PUDP: variants seen among roughly 807,000 people sequenced by gnomAD.
PUDP encodes pseudouridine-5'-phosphatase.
In PUDP, 8 loss-of-function variants were observed where a neutral mutation model predicts 9.4. That is an observed-to-expected ratio of 0.85 (90% CI 0.50 to 1.53). PUDP has a LOEUF of 1.53. Among genes scored for constraint, PUDP ranks in the 40% most tolerant of loss-of-function variants. The pLI is 0.00. For synonymous variants in PUDP, 99 were observed against 80.7 expected (o/e 1.23, Z -1.22); for missense variants, 188 against 189.7 (o/e 0.99, Z 0.05).
intron 3 of PUDP, among the ~76,000 whole-genome samples, chrX:6,858,443 C>T (rs951626093): frequency 9.2e-6 from 1 of 108,156 alleles, no homozygotes; most frequent in Non-Finnish European, 1.9e-5. Context: ...CATCCTCCCA[C>T]CTCAGCCTCT....
At chrX:6,932,995 G>C (rs1227029066) in intron 3 of PUDP, among the ~76,000 whole-genome samples, 1 of 110,378 alleles carries the variant, frequency 9.1e-6, no homozygotes, top group African/African-American at 3.3e-5. Flanking sequence ...GCCCACCACA[G>C]CTCAAGGAGG....
At position 7,105,767 on chromosome X, in the gene PUDP, C is replaced by T. The variant is rs375682449; in HGVS notation, c.133G>A (p.Val45Ile). Residue 45 changes from valine (V) to isoleucine (I), a missense_variant, in exon 2 of 4, where the codon GTA becomes ATA. Transcript: ENST00000381077. ...NRYDKKYSWDVKSLVMGKKAL... is the reference protein window; with the variant it reads ...NRYDKKYSWDIKSLVMGKKAL... ...TTCTTACCCATAACCAGGGACTTTA[C>T]ATCCCAGCTGTATTTCTTGTCATAG... 11 of 1,206,796 alleles carry T rather than the reference C, an allele frequency of 9.1e-6. No individual in the cohort carries two copies. The African/African-American group carries it at 1.4e-4, about 15-fold the overall frequency.
At chrX:6,892,637 G>A (rs1170417924) in intron 3 of PUDP, among the ~76,000 whole-genome samples, 1 of 111,563 alleles carries the variant, frequency 9.0e-6, no homozygotes, top group Non-Finnish European at 1.9e-5. Flanking sequence ...AATAAGATTT[G>A]AATGGGGACA....
At chrX:6,990,314 A>G (rs998444972) in intron 1 of PUDP, among the ~76,000 whole-genome samples, 13 of 111,410 alleles carry the variant, frequency 1.2e-4, no homozygotes, top group African/African-American at 3.3e-4. Context: ...GCTGTTTGCC[A>G]TGTAAAATCC....
chrX:6,768,583 T>C (rs1212613314), intron 3 of PUDP, among the ~76,000 whole-genome samples: 1 of 111,694 alleles, frequency 9.0e-6, no homozygotes, highest in Non-Finnish European at 1.9e-5. Flanking sequence ...AGAATTCTTT[T>C]AGATATTAAA....
chrX:7,046,728 C>T (rs1451037092), downstream of PUDP, among the ~76,000 whole-genome samples: 1 of 112,186 alleles, frequency 8.9e-6, no homozygotes, highest in African/African-American at 3.2e-5. Context: ...CCATCCCTTT[C>T]ACACGGTTTT....
At chrX:6,707,629 T>C (rs1924485750) in intron 1 of PUDP, among the ~76,000 whole-genome samples, 3 of 111,117 alleles carry the variant, frequency 2.7e-5, no homozygotes. Flanking sequence ...GAGACTCTAA[T>C]GGCATCACTG....
At chrX:6,978,641 C>A (rs1364861249) in intron 1 of PUDP, among the ~76,000 whole-genome samples, 4 of 111,718 alleles carry the variant, frequency 3.6e-5, no homozygotes, top group Admixed American at 9.5e-5. Flanking sequence ...ACAAAAAAGA[C>A]ATAATAAAAT....
chrX:6,819,842 C>T (rs1347014954), intron 3 of PUDP, among the ~76,000 whole-genome samples: 1 of 110,910 alleles, frequency 9.0e-6, no homozygotes, highest in Non-Finnish European at 1.9e-5. Flanking sequence ...ATTTTGAGAG[C>T]GGAAGAGAGA....
At chrX:6,714,566 A>G (rs959772) in intron 1 of PUDP, among the ~76,000 whole-genome samples, 52,096 of 109,961 alleles carry the variant, frequency 0.47, 9,886 homozygotes, top group African/African-American at 0.69. Flanking sequence ...AGATAGATAC[A>G]ATAGCTAGAT....
At chrX:7,101,239 A>G (rs1466511998) in intron 2 of PUDP, among the ~76,000 whole-genome samples, 1 of 112,008 alleles carries the variant, frequency 8.9e-6, no homozygotes, top group Admixed American at 9.4e-5. Context: ...ATGCGTGTGC[A>G]CACACACGCG....
At chrX:7,107,561 T>G (rs1464761311) in intron 1 of PUDP, among the ~76,000 whole-genome samples, 1 of 112,748 alleles carries the variant, frequency 8.9e-6, no homozygotes, top group African/African-American at 3.2e-5. Context: ...GCGCGGTGGC[T>G]CACGCCTATA....
chrX:6,905,145 A>C (rs1044910808), intron 3 of PUDP, among the ~76,000 whole-genome samples: 1 of 111,959 alleles, frequency 8.9e-6, no homozygotes, highest in Non-Finnish European at 1.9e-5. Flanking sequence ...TAACAGTGAT[A>C]ACTTGGATAT....
At chrX:6,807,201 T>TGA (rs1926064789) in intron 3 of PUDP, among the ~76,000 whole-genome samples, 1 of 112,546 alleles carries the variant, frequency 8.9e-6, no homozygotes, top group African/African-American at 3.2e-5. Flanking sequence ...TCATTCCTTT[T>TGA]GCTGCCTTTG....
intron 1 of PUDP, among the ~76,000 whole-genome samples, chrX:7,139,285 C>G (rs773186035): frequency 8.9e-6 from 1 of 111,971 alleles, no homozygotes; most frequent in Admixed American, 9.5e-5. Context: ...GTGCTGTCCA[C>G]TCTATATTTT....
intron 3 of PUDP, among the ~76,000 whole-genome samples, chrX:6,834,086 T>C (rs960070910): frequency 8.9e-6 from 1 of 111,820 alleles, no homozygotes; most frequent in African/African-American, 3.3e-5. Flanking sequence ...TAAAAACAGA[T>C]ACACAGAGAG....
At chrX:6,839,826 C>A (rs1317359096) in intron 3 of PUDP, among the ~76,000 whole-genome samples, 1 of 110,927 alleles carries the variant, frequency 9.0e-6, no homozygotes, top group Non-Finnish European at 1.9e-5. Flanking sequence ...CAAAACTATC[C>A]ATACTCTTAC....
rs1926824723 is a variant in PUDP, at chrX:6,851,399, G to A, written c.*247+125734C>T. 2.7e-5 allele frequency among the ~76,000 whole-genome samples: 3 copies of A among 111,126 alleles called. No individual in the cohort carries two copies. In the Admixed American group the frequency reaches 2.9e-4, roughly 11 times the overall value. On this transcript the variant is annotated intron_variant and NMD_transcript_variant, in intron 3 of 3. Transcript: ENST00000655425. ...GGTTATGATGTACATCTTGCAGGTGGCACTTTGTCATTGTTAAAATAAAGT... is the reference window on the plus strand; with the variant it reads ...GGTTATGATGTACATCTTGCAGGTGACACTTTGTCATTGTTAAAATAAAGT...
chrX:7,104,837 T>G (rs772679579), intron 2 of PUDP, among the ~76,000 whole-genome samples: 3 of 112,187 alleles, frequency 2.7e-5, no homozygotes, highest in Non-Finnish European at 5.6e-5. Context: ...AATAATAACA[T>G]ACATTTCAAA....
Sources: allele counts gnomAD v4.1 joint callset (sites outside exome capture counted in the v4.1 genomes callset), GRCh38; gene constraint gnomAD v4.1.1; transcripts MANE v1.5; gene names NCBI Gene and HGNC (gene_info 2026-07-23, HGNC 2026-07-21).